EPB41L5: variants seen among roughly 807,000 people sequenced by gnomAD.
EPB41L5 encodes the protein erythrocyte membrane protein band 4.1 like 5.
In EPB41L5, 55 loss-of-function variants were observed where a neutral mutation model predicts 106.6. That is an observed-to-expected ratio of 0.52 (90% CI 0.42 to 0.65). The LOEUF is 0.65. Ranked by LOEUF, EPB41L5 falls within the 30% of genes least tolerant of loss-of-function variation. The pLI, the probability that EPB41L5 is intolerant of heterozygous loss-of-function variation, is 0.00. For missense variants in EPB41L5, 871 were observed against 882.1 expected (o/e 0.99, Z 0.16); for synonymous variants, 297 against 306.7 (o/e 0.97, Z 0.33).
intron 16 of EPB41L5, chr2:120,104,194 G>A (rs1438785080): frequency 4.6e-6 from 7 of 1,535,920 alleles, no homozygotes; most frequent in Admixed American, 3.9e-5. Context: ...GCAGGAATCC[G>A]TCATGATGTT....
rs753461233 is a variant in EPB41L5 at position 120,131,679 on chromosome 2, C to A, written c.1563C>A (p.Ser521=). The A allele has an allele frequency of 6.2e-7, 1 of 1,613,692 alleles. No individual in the cohort carries two copies. The highest frequency in any genetic ancestry group is 8.5e-7 in the Non-Finnish European group (1 of 1,179,824). The change falls in exon 18 of 25, where the codon TCC becomes TCA. Residue 521 remains serine, a synonymous_variant. Transcript: ENST00000263713. Reference sequence around the variant, plus strand: ...AGATGGAGAACAGTCCTTTGCTGTCCCCTCGATCCAACATCGATGTTAACA... The same window carrying A: ...AGATGGAGAACAGTCCTTTGCTGTCACCTCGATCCAACATCGATGTTAACA... The part of the protein sequence containing the change: ...QLEMENSPLL[S]PRSNIDVNIN...
At chr2:120,089,320 C>A (rs1382780105) in intron 11 of EPB41L5, among the ~76,000 whole-genome samples, 2 of 151,958 alleles carry the variant, frequency 1.3e-5, no homozygotes, top group Non-Finnish European at 2.9e-5. Flanking sequence ...TAAAGTCTAA[C>A]CCCCTGACTA....
At chr2:120,067,028 C>G (rs1681489385) in intron 3 of EPB41L5, among the ~76,000 whole-genome samples, 1 of 152,158 alleles carries the variant, frequency 6.6e-6, no homozygotes, top group East Asian at 1.9e-4. Flanking sequence ...CAGACCGGAG[C>G]TGTTCCTATT....
intron 24 of EPB41L5, among the ~76,000 whole-genome samples, chr2:120,173,604 G>T (rs1330544807): frequency 6.6e-6 from 1 of 152,154 alleles, no homozygotes; most frequent in Non-Finnish European, 1.5e-5. Context: ...AGGTGACTCT[G>T]TTTCATTTAT....
Position 120,153,454 on chromosome 2 carries a change from C to G in EPB41L5, c.1793+7165C>G, listed in dbSNP as rs568349095. On this transcript the variant is annotated intron_variant, in intron 20 of 24. Coordinates refer to ENST00000263713, the MANE Select transcript of EPB41L5 (RefSeq NM_020909.4). ...TGTTCTTGAGAAGAAGGTACATGTA[C>G]ATTCTGCAGTTATTAGGTGGAGTGT... Among the ~76,000 whole-genome samples, 17 of 152,218 alleles carry G rather than the reference C, an allele frequency of 1.1e-4. No homozygotes were observed. In the East Asian group the frequency reaches 3.1e-3, roughly 28 times the overall value.
intron 16 of EPB41L5, chr2:120,104,890 G>C: frequency 1.0e-6 from 1 of 974,970 alleles, no homozygotes; most frequent in Non-Finnish European, 1.2e-6. Flanking sequence ...AGTTTTGAAT[G>C]GTTAACTGAT....
At chr2:120,072,862 A>T (rs1681969020) in intron 3 of EPB41L5, among the ~76,000 whole-genome samples, 1 of 151,880 alleles carries the variant, frequency 6.6e-6, no homozygotes, top group African/African-American at 2.4e-5. Flanking sequence ...GCAAACCACC[A>T]TGGCATGTGT....
chr2:120,048,524 A>G (rs574840256), intron 3 of EPB41L5, among the ~76,000 whole-genome samples: 1 of 150,786 alleles, frequency 6.6e-6, no homozygotes, highest in East Asian at 1.9e-4. Flanking sequence ...ATCATTTTTT[A>G]TTGCGTCTAT....
chr2:120,165,188 C>T (rs1214034130), intron 22 of EPB41L5, among the ~76,000 whole-genome samples: 2 of 152,052 alleles, frequency 1.3e-5, no homozygotes, highest in African/African-American at 2.4e-5. Context: ...TTTCTTGAGA[C>T]AATAAGGATA....
intron 20 of EPB41L5, among the ~76,000 whole-genome samples, chr2:120,158,333 A>G (rs936655744): frequency 6.6e-6 from 1 of 152,238 alleles, no homozygotes; most frequent in Non-Finnish European, 1.5e-5. Flanking sequence ...ATGAACATCA[A>G]TGCAAAAGTC....
intron 2 of EPB41L5, among the ~76,000 whole-genome samples, chr2:120,035,533 G>C (rs1678990272): frequency 6.6e-6 from 1 of 152,184 alleles, no homozygotes; most frequent in African/African-American, 2.4e-5. Flanking sequence ...ACCAACTTCA[G>C]TGATAGAGTG....
At chr2:120,164,993 TAATA>T in intron 22 of EPB41L5, 83 bp downstream of exon 22, 1 of 1,036,794 alleles carries the variant, frequency 9.6e-7, no homozygotes, top group Non-Finnish European at 1.4e-6. Context: ...TTTTCCTTTT[TAATA>T]ATTCAGTTAA....
rs764486938 is a variant in EPB41L5 at position 120,160,954 on chromosome 2, G to A, written c.1867G>A (p.Asp623Asn). The change falls in exon 21 of 25, where the codon GAC becomes AAC. Residue 623 changes from aspartate to asparagine, a missense_variant. Transcript: ENST00000263713. ...LETLMLITPA[D>N]SGSVLKEATD... Reference sequence around the variant, plus strand: ...GACTCTGATGCTTATCACACCTGCCGACAGTGGTTCTGTTCTAAAGGTAAG... The same window carrying A: ...GACTCTGATGCTTATCACACCTGCCAACAGTGGTTCTGTTCTAAAGGTAAG... 6.8e-6 allele frequency: 11 copies of A among 1,613,730 alleles called. No individual in the cohort carries two copies. Among genetic ancestry groups the A allele is most frequent in the South Asian group, 3.3e-5 (3 of 91,052 alleles).
rs1682291045 is a variant in EPB41L5 at position 120,077,065 on chromosome 2, T to A, written c.600T>A (p.Ala200=). 1.9e-6 allele frequency: 3 copies of A among 1,613,034 alleles called. No homozygotes were observed. In the South Asian group the frequency reaches 3.3e-5, roughly 18 times the overall value. ...VPIQTEEMEL[A]IFEKWKEYRG... ...TTCAGACTGAAGAGATGGAACTGGCTATTTTTGAGAAATGGAAGGAATACA... is the reference window on the plus strand; with the variant it reads ...TTCAGACTGAAGAGATGGAACTGGCAATTTTTGAGAAATGGAAGGAATACA... The change falls in exon 8 of 25, where the codon GCT becomes GCA. Residue 200 remains alanine, a synonymous_variant. Transcript: ENST00000263713.
rs532958141 is a variant in EPB41L5 at position 120,178,406 on chromosome 2, A to G, written c.*3499A>G. On this transcript the variant is annotated 3_prime_UTR_variant, in exon 25 of 25. Coordinates refer to ENST00000263713, the MANE Select transcript of EPB41L5 (RefSeq NM_020909.4). ...GAGCTCCCACTGTTGTGGGTGTCTC[A>G]GCTCTGAGGGTCTTTGTGAGCTCCC... The G allele has an allele frequency of 5.9e-5, 9 of 151,930 alleles. No homozygotes were observed. Among genetic ancestry groups the G allele is most frequent in the Admixed American group, 3.3e-4 (5 of 15,276 alleles). The allele number at this position is 151,930 out of a possible 1,614,324, so 9.4% of individuals were successfully genotyped here.
intron 21 of EPB41L5, 50 bp downstream of exon 21, chr2:120,161,024 T>G (rs755807129): frequency 9.7e-6 from 13 of 1,340,874 alleles, no homozygotes; most frequent in Non-Finnish European, 1.4e-5. Flanking sequence ...AGTTTTGAAT[T>G]GAATCTTGCA....
chr2:120,147,616 C>T (rs1399646688), intron 20 of EPB41L5, among the ~76,000 whole-genome samples: 1 of 120,004 alleles, frequency 8.3e-6, no homozygotes. Context: ...CAGAGCGAAA[C>T]TCTGTCTCAA....
At chr2:120,151,470 T>C (rs768905510) in intron 20 of EPB41L5, among the ~76,000 whole-genome samples, 2 of 151,892 alleles carry the variant, frequency 1.3e-5, no homozygotes, top group Non-Finnish European at 2.9e-5. Flanking sequence ...CATAAAAGAT[T>C]TAAAAACCTA....
Position 120,075,523 on chromosome 2 carries a change from G to T in EPB41L5, c.452+3G>T. 2 of 1,552,468 alleles carry T rather than the reference G, an allele frequency of 1.3e-6. No homozygotes were observed. The highest frequency in any genetic ancestry group is 2.3e-5 in the South Asian group (2 of 88,492). ...AAACAAGATATTCTCAGTGGAAAGTGAGTATTAGTTATTTAAGGATAAATG... is the reference window on the plus strand; with the variant it reads ...AAACAAGATATTCTCAGTGGAAAGTTAGTATTAGTTATTTAAGGATAAATG... On this transcript the variant is annotated splice_donor_region_variant and intron_variant, in intron 6 of 24. Coordinates refer to ENST00000263713, the MANE Select transcript of EPB41L5 (RefSeq NM_020909.4).
Sources: gnomAD v4.1 joint callset for allele counts (sites outside exome capture counted in the v4.1 genomes callset) on GRCh38, gnomAD v4.1.1 for gene constraint, MANE v1.5 for transcripts, NCBI Gene and HGNC (gene_info 2026-07-23, HGNC 2026-07-21) for gene names.